Variants in ZNF726 observed in about 807,000 individuals in gnomAD.
ZNF726 encodes zinc finger protein 92 pseudogene 3.
In ZNF726, 15 loss-of-function variants were observed where a neutral mutation model predicts 11.6. The observed-to-expected ratio is 1.29, with a 90% CI of 0.86 to 1.99. The LOEUF is 1.99. Ranked by LOEUF, ZNF726 falls within the 30% of genes most tolerant of loss-of-function variation. The pLI is 0.00. For missense variants in ZNF726, 890 were observed against 725.6 expected, an observed-to-expected ratio of 1.23 and a Z score of -2.60; for synonymous variants, 295 against 243.6, an observed-to-expected ratio of 1.21 and a Z score of -1.96.
At chr19:23,923,261 G>A (rs1169098824) in intron 3 of ZNF726, among the ~76,000 whole-genome samples, 1 of 151,902 alleles carries the variant, frequency 6.6e-6, no homozygotes, top group Non-Finnish European at 1.5e-5. Context: ...GTTTTATTTT[G>A]TGTAAAAATA....
Position 23,914,923 on chromosome 19 carries a change from A to C in ZNF726, c.-72A>C. The C allele has an allele frequency of 6.2e-7, 1 of 1,608,388 alleles. No homozygotes were observed. Among genetic ancestry groups the C allele is most frequent in the Non-Finnish European group, 8.5e-7 (1 of 1,177,534 alleles). On this transcript the variant is annotated 5_prime_UTR_variant, in exon 1 of 4. Coordinates refer to ENST00000594466, the MANE Select transcript of ZNF726 (RefSeq NM_001244038.2). Reference sequence around the variant, plus strand: ...GGCCGGAGCTCCAGGTCTCGTCCTCACTACTCTGTGTCTTCTGCTTTTAGG... The same window carrying C: ...GGCCGGAGCTCCAGGTCTCGTCCTCCCTACTCTGTGTCTTCTGCTTTTAGG...
intron 3 of ZNF726, among the ~76,000 whole-genome samples, chr19:23,939,924 G>A (rs1263407546): frequency 7.8e-6 from 1 of 127,726 alleles, no homozygotes; most frequent in Non-Finnish European, 1.6e-5. Flanking sequence ...CTGGATATTA[G>A]TCCTTTGGCA....
In ZNF726 at chr19:23,920,055, C is replaced by A. The variant is rs764106093; in HGVS notation, c.199C>A (p.Arg67=). The A allele has an allele frequency of 2.5e-6, 4 of 1,586,908 alleles. No individual in the cohort carries two copies. The South Asian group carries it at 3.3e-5, about 13-fold the overall frequency. ...AGAAAAAGAGCCCTGGAATATGAAGCGAGATGAGATGGTGGATGAACCCCC... is the reference window on the plus strand; with the variant it reads ...AGAAAAAGAGCCCTGGAATATGAAGAGAGATGAGATGGTGGATGAACCCCC... ...EKEKEPWNMK[R]DEMVDEPPGI... The change falls in exon 3 of 4, where the codon CGA becomes AGA. Residue 67 remains arginine (R), a synonymous_variant. Transcript: ENST00000594466.
intron 3 of ZNF726, chr19:23,920,764 GT>G (rs1210623825): frequency 6.7e-6 from 1 of 148,940 alleles, no homozygotes. Context: ...GTTTTTTTTT[GT>G]TTGTTTGTTT....
chr19:23,944,504 G>A (rs1265354991), intron 4 of ZNF726: 1 of 152,540 alleles, frequency 6.6e-6, no homozygotes, highest in Admixed American at 6.6e-5. Context: ...TTTTTCAATG[G>A]GATTCTTTAT....
At chr19:23,928,434 C>T (rs1423118811) in intron 3 of ZNF726, 1 of 152,030 alleles carries the variant, frequency 6.6e-6, no homozygotes, top group African/African-American at 2.4e-5. Context: ...GTATTTCTTG[C>T]TTTACTTTTG....
At chr19:23,942,260 G>T (rs779962304) in intron 3 of ZNF726, among the ~76,000 whole-genome samples, 1 of 152,130 alleles carries the variant, frequency 6.6e-6, no homozygotes, top group Non-Finnish European at 1.5e-5. Flanking sequence ...CCATGTATTT[G>T]CATGGTTTTG....
downstream of ZNF726, chr19:23,935,275 A>G (rs1186068566): frequency 2.0e-6 from 1 of 489,954 alleles, no homozygotes; most frequent in Admixed American, 2.2e-5. Flanking sequence ...AAGGTAATTC[A>G]TACTGGAGTA....
chr19:23,942,089 G>A (rs888649731), intron 3 of ZNF726, among the ~76,000 whole-genome samples: 1 of 152,064 alleles, frequency 6.6e-6, no homozygotes, highest in Non-Finnish European at 1.5e-5. Context: ...ACTTTTTGAT[G>A]TAGGCATTTA....
At chr19:23,935,565 G>C (rs1040181301), downstream of ZNF726, 39 of 332,834 alleles carry the variant, frequency 1.2e-4, no homozygotes, top group African/African-American at 8.4e-4. Flanking sequence ...GATGTGCCCA[G>C]TGCCTTTGAC....
At chr19:23,943,042 AATG>A (rs1968363141) in intron 3 of ZNF726, among the ~76,000 whole-genome samples, 1 of 151,896 alleles carries the variant, frequency 6.6e-6, no homozygotes, top group Admixed American at 6.6e-5. Flanking sequence ...AGGTGAGGGG[AATG>A]GAGTCGTGCT....
intron 3 of ZNF726, chr19:23,928,147 T>C (rs1401315198): frequency 2.6e-5 from 4 of 152,202 alleles, no homozygotes; most frequent in Non-Finnish European, 5.9e-5. Flanking sequence ...CATCATGTAA[T>C]ATGTGCAGTT....
In ZNF726 at chr19:23,923,331, G is replaced by A. The variant is rs568777071; in HGVS notation, c.226+3249G>A. The A allele has an allele frequency of 8.2e-6, 3 of 363,760 alleles. No homozygotes were observed. The East Asian group carries it at 3.1e-4, about 38-fold the overall frequency. The allele number at this position is 363,760 out of a possible 1,614,324, so 22.5% of individuals were successfully genotyped here. The stretch of plus-strand genomic sequence containing the variant: ...TCTTTTAAATGCTTATCTATTAAAA[G>A]TTTCTCATTAGCATCTCCTATTTAT... On this transcript the variant is annotated intron_variant, in intron 3 of 3. Transcript: ENST00000594466.
At chr19:23,938,843 G>T (rs367797048), downstream of ZNF726, among the ~76,000 whole-genome samples, 78 of 152,074 alleles carry the variant, frequency 5.1e-4, no homozygotes, top group Non-Finnish European at 8.7e-4. Context: ...CTGACCTAAG[G>T]TGATCCACCC....
At chr19:23,942,635 G>A (rs573680037) in intron 3 of ZNF726, among the ~76,000 whole-genome samples, 6 of 152,042 alleles carry the variant, frequency 3.9e-5, no homozygotes, top group South Asian at 4.2e-4. Context: ...ATAAATTTTG[G>A]AGCTCCAGTG....
chr19:23,915,498 A>G (rs2144950439), intron 1 of ZNF726, among the ~76,000 whole-genome samples: 1 of 152,352 alleles, frequency 6.6e-6, no homozygotes, highest in South Asian at 2.1e-4. Flanking sequence ...AAAGGTTTTT[A>G]TAAGTTTCAT....
chr19:23,924,012 T>G (rs1323898814), intron 3 of ZNF726: 1 of 151,998 alleles, frequency 6.6e-6, no homozygotes, highest in Non-Finnish European at 1.5e-5. Flanking sequence ...GACCCCAATT[T>G]TGGTTATACC....
In ZNF726 at chr19:23,932,438, C is replaced by T; in HGVS notation, c.322C>T (p.His108Tyr). The change falls in exon 4 of 4, where the codon CAT (histidine) becomes TAT (tyrosine). Residue 108 changes from histidine (H) to tyrosine (Y), a missense_variant. Physicochemically the swap from His to Tyr is moderately conservative, Grantham distance 83. Transcript: ENST00000594466. ...ACTAAGAAGATTTGAAAAATGTGGA[C>T]ATGAGAATTTACAGTTAAGAAAAGG... is the stretch of plus-strand genomic sequence containing the variant. ...VILRRFEKCG[H>Y]ENLQLRKGCK... 1.9e-6 allele frequency: 3 copies of T among 1,571,814 alleles called. No homozygotes were observed. Among genetic ancestry groups the T allele is most frequent in the Non-Finnish European group, 2.6e-6 (3 of 1,162,656 alleles).
chr19:23,920,207 T>TA (rs373667676), intron 3 of ZNF726, 125 bp downstream of exon 3: 186 of 535,082 alleles, frequency 3.5e-4, no homozygotes, highest in Middle Eastern at 6.2e-4. Context: ...GCCTGAAATT[T>TA]AAAAAAAAAT....
Sources: allele counts gnomAD v4.1 joint callset (sites outside exome capture counted in the v4.1 genomes callset), GRCh38; gene constraint gnomAD v4.1.1; transcripts MANE v1.5; gene names NCBI Gene and HGNC (gene_info 2026-07-23, HGNC 2026-07-21).